The following IL1RAPL2 variants were observed in gnomAD, a reference collection of about 807,000 sequenced individuals.
IL1RAPL2 encodes interleukin 1 receptor accessory protein like 2, also known as X-linked interleukin-1 receptor accessory protein-like 2.
In IL1RAPL2, 3 loss-of-function variants were observed where a neutral mutation model predicts 44.1. The observed-to-expected ratio is 0.07, with a 90% CI of 0.03 to 0.18. The LOEUF is 0.18. Ranked by LOEUF, IL1RAPL2 falls within the 10% of genes least tolerant of loss-of-function variation. The pLI is 1.00. For synonymous variants in IL1RAPL2, 181 were observed against 178.8 expected (o/e 1.01, Z -0.10); for missense variants, 391 against 496.4 (o/e 0.79, Z 2.02).
chrX:104,671,638 C>A (rs1386883701), intron 2 of IL1RAPL2, among the ~76,000 whole-genome samples: 2 of 111,590 alleles, frequency 1.8e-5, no homozygotes, highest in Non-Finnish European at 3.8e-5. Context: ...TTTTTGAAGG[C>A]AAAAATTGTT....
At chrX:104,917,878 GA>G (rs1924508148) in intron 2 of IL1RAPL2, among the ~76,000 whole-genome samples, 1 of 111,781 alleles carries the variant, frequency 8.9e-6, no homozygotes, top group South Asian at 3.7e-4. Flanking sequence ...TCTCATGCCA[GA>G]AGAGACAGAA....
rs1208670631 is a variant in IL1RAPL2, at chrX:104,980,448, T to C, written c.83-215027T>C. Among the ~76,000 whole-genome samples, 10 of 111,899 alleles carry C rather than the reference T, an allele frequency of 8.9e-5. No homozygotes were observed. The East Asian group carries it at 2.8e-3, about 32-fold the overall frequency. ...TTCACATTCTTTAAGAAACCCAGGCTGATATTTTAACTCCAACTTACCTTT... is the reference window on the plus strand; with the variant it reads ...TTCACATTCTTTAAGAAACCCAGGCCGATATTTTAACTCCAACTTACCTTT... On this transcript the variant is annotated intron_variant, in intron 2 of 10. Coordinates refer to ENST00000372582, the MANE Select transcript of IL1RAPL2 (RefSeq NM_017416.2).
Position 104,759,940 on chromosome X carries a change from C to T in IL1RAPL2, c.82+100945C>T, listed in dbSNP as rs145686054. Among the ~76,000 whole-genome samples, 11 of 111,791 alleles carry T rather than the reference C, an allele frequency of 9.8e-5. No homozygotes were observed. The East Asian group carries it at 3.1e-3, about 32-fold the overall frequency. The stretch of plus-strand genomic sequence containing the variant: ...TGTGCCCATTAACCATCTCCACCTC[C>T]CTCCTATCCCCCACAACACTTCCTT... On this transcript the variant is annotated intron_variant, in intron 2 of 10. Coordinates refer to ENST00000372582, the MANE Select transcript of IL1RAPL2 (RefSeq NM_017416.2).
intron 8 of IL1RAPL2, among the ~76,000 whole-genome samples, chrX:105,742,523 C>T (rs751858000): frequency 2.7e-5 from 3 of 111,043 alleles, no homozygotes; most frequent in Non-Finnish European, 5.7e-5. Context: ...AAAAATTTGA[C>T]ACTACAAACC....
chrX:104,672,073 C>G (rs1365643019), intron 2 of IL1RAPL2, among the ~76,000 whole-genome samples: 2 of 111,194 alleles, frequency 1.8e-5, no homozygotes, highest in Non-Finnish European at 3.8e-5. Context: ...GCATGGTGGG[C>G]TGGGAAAGGG....
chrX:105,086,421 G>T (rs1035878998), intron 2 of IL1RAPL2, among the ~76,000 whole-genome samples: 10 of 111,503 alleles, frequency 9.0e-5, no homozygotes, highest in African/African-American at 2.9e-4. Flanking sequence ...CTTATACATG[G>T]AATCTAAAAC....
Position 105,725,701 on chromosome X carries a change from T to C in IL1RAPL2, c.902+8205T>C, listed in dbSNP as rs1235673493. Among the ~76,000 whole-genome samples, 4 of 111,732 alleles carry C rather than the reference T, an allele frequency of 3.6e-5. No individual in the cohort carries two copies. The Admixed American group carries it at 3.8e-4, about 11-fold the overall frequency. On this transcript the variant is annotated intron_variant, in intron 7 of 10. Transcript: ENST00000372582. Reference sequence around the variant, plus strand: ...GGCAGTCCTAGGGAAAATGATGAGATGTATTTTGGCAACTTCTCACACAAT... The same window carrying C: ...GGCAGTCCTAGGGAAAATGATGAGACGTATTTTGGCAACTTCTCACACAAT...
intron 5 of IL1RAPL2, among the ~76,000 whole-genome samples, chrX:105,270,881 A>AT (rs1359234322): frequency 7.2e-5 from 8 of 111,854 alleles, no homozygotes; most frequent in African/African-American, 2.6e-4. Flanking sequence ...TTAATTACAA[A>AT]ATTATGTAAA....
intron 1 of IL1RAPL2, among the ~76,000 whole-genome samples, chrX:104,632,382 G>C (rs1929671621): frequency 8.9e-6 from 1 of 111,781 alleles, no homozygotes; most frequent in Admixed American, 9.5e-5. Flanking sequence ...TGCGAAGAAA[G>C]TCATTGGTAG....
chrX:105,606,163 A>G lies in IL1RAPL2; in HGVS notation c.773-111204A>G, dbSNP rs210734. On this transcript the variant is annotated intron_variant, in intron 6 of 10. Transcript: ENST00000372582. ...GAAATATTTGCACACCATTAACCTG[A>G]CAAGTAATTAATATGCAGAATATAC... Among the ~76,000 whole-genome samples the G allele has an allele frequency of 8.5e-3, 955 of 111,832 alleles. 10 individuals are homozygous for G. The highest frequency in any genetic ancestry group is 0.084 in the South Asian group (228 of 2,705).
chrX:104,650,016 G>A (rs1290070513), intron 1 of IL1RAPL2, among the ~76,000 whole-genome samples: 1 of 111,771 alleles, frequency 8.9e-6, no homozygotes, highest in Non-Finnish European at 1.9e-5. Context: ...ATCAGGATTT[G>A]ATACTCCAAT....
rs1462954196 is a variant in IL1RAPL2 at position 104,932,210 on chromosome X, G to C, written c.83-263265G>C. ...GATGGCTTTTCACCATGTTGGCCAG[G>C]CTGGTCTCGAACTGCTGACCTCAGG... On this transcript the variant is annotated intron_variant, in intron 2 of 10. Coordinates refer to ENST00000372582, the MANE Select transcript of IL1RAPL2 (RefSeq NM_017416.2). Among the ~76,000 whole-genome samples the C allele has an allele frequency of 3.7e-5, 4 of 108,761 alleles. No homozygotes were observed. The East Asian group carries it at 1.2e-3, about 32-fold the overall frequency. 94.4% of individuals were successfully genotyped at this position (108,761 alleles called of 115,157 possible). A position where few individuals can be genotyped will look rare whatever the true frequency, so the allele number is the denominator to read the frequency against.
chrX:105,347,604 G>T lies in IL1RAPL2; in HGVS notation c.697+80063G>T, dbSNP rs763205276. On this transcript the variant is annotated intron_variant, in intron 5 of 10. Transcript: ENST00000372582. ...ATCATCATCATCATCATCATCATCAGCCAACATCACCTATAGAGGCTACCT... is the reference window on the plus strand; with the variant it reads ...ATCATCATCATCATCATCATCATCATCCAACATCACCTATAGAGGCTACCT... Among the ~76,000 whole-genome samples the T allele has an allele frequency of 6.7e-5, 7 of 104,856 alleles. No homozygotes were observed. In the South Asian group the frequency reaches 1.3e-3, roughly 19 times the overall value. The allele number at this position is 104,856 out of a possible 115,157, so 91.1% of individuals were successfully genotyped here.
At chrX:105,493,116 C>T (rs895430347) in intron 6 of IL1RAPL2, among the ~76,000 whole-genome samples, 1 of 112,153 alleles carries the variant, frequency 8.9e-6, no homozygotes, top group Non-Finnish European at 1.9e-5. Flanking sequence ...GTACTTCACT[C>T]CTTTTCATTG....
At chrX:105,408,674 A>G (rs939982961) in intron 5 of IL1RAPL2, among the ~76,000 whole-genome samples, 6 of 111,561 alleles carry the variant, frequency 5.4e-5, no homozygotes, top group Non-Finnish European at 1.1e-4. Context: ...TTCATAATCA[A>G]TATATGCCTA....
intron 2 of IL1RAPL2, among the ~76,000 whole-genome samples, chrX:104,982,910 G>A (rs181375679): frequency 9.0e-5 from 10 of 110,837 alleles, no homozygotes; most frequent in African/African-American, 3.3e-4. Context: ...TCTCACTGAG[G>A]AAAGTGCTAT....
chrX:105,062,778 T>A (rs2032091305), intron 2 of IL1RAPL2, among the ~76,000 whole-genome samples: 1 of 111,666 alleles, frequency 9.0e-6, no homozygotes, highest in Non-Finnish European at 1.9e-5. Flanking sequence ...GCCTGTAAGG[T>A]TTCCACTCAG....
chrX:105,161,521 A>G (rs1324973404), intron 2 of IL1RAPL2, among the ~76,000 whole-genome samples: 2 of 110,350 alleles, frequency 1.8e-5, no homozygotes, highest in Non-Finnish European at 3.8e-5. Context: ...ATGTGCTTCT[A>G]TAATTGCTCA....
chrX:105,457,328 TC>T (rs1199893939), intron 5 of IL1RAPL2, among the ~76,000 whole-genome samples: 2 of 111,472 alleles, frequency 1.8e-5, no homozygotes, highest in Admixed American at 9.6e-5. Flanking sequence ...ATGTTGTGTA[TC>T]CATCACTGCT....
Sources: gnomAD v4.1 joint callset for allele counts (sites outside exome capture counted in the v4.1 genomes callset) on GRCh38, gnomAD v4.1.1 for gene constraint, MANE v1.5 for transcripts, NCBI Gene and HGNC (gene_info 2026-07-23, HGNC 2026-07-21) for gene names.